The following ANKRD46 variants were observed in gnomAD, a reference collection of about 807,000 sequenced individuals.
ANKRD46 encodes the protein ankyrin repeat domain 46, also known as ankyrin repeat domain-containing protein 46.
A neutral mutation model predicts 19.8 loss-of-function variants in ANKRD46; 13 were observed. That is an observed-to-expected ratio of 0.66 (90% CI 0.43 to 1.04). The LOEUF is 1.04. Among genes scored for constraint, ANKRD46 ranks in the 50% least tolerant of loss-of-function variants. The pLI is 0.00. For missense variants in ANKRD46, 185 were observed against 274.8 expected (o/e 0.67, Z 2.31); for synonymous variants, 91 against 106.9 (o/e 0.85, Z 0.92).
rs898123199 is a variant in ANKRD46 at position 100,525,928 on chromosome 8, A to G, written c.470+1917T>C. Among the ~76,000 whole-genome samples, 1 of 152,168 alleles carries G rather than the reference A, an allele frequency of 6.6e-6. No homozygotes were observed. Among genetic ancestry groups the G allele is most frequent in the Admixed American group, 6.6e-5 (1 of 15,264 alleles). On this transcript the variant is annotated intron_variant, in intron 4 of 4. Transcript: ENST00000335659. The surrounding 1 kb of genome is among the most constrained non-coding windows in gnomAD (Gnocchi z 4.4). ...ATTATCTATCTTTTTAATTGCAGCT[A>G]TCCTAGTGGGTGTGAAGTGGCATTT...
At chr8:100,552,177 T>C (rs934698443) in intron 1 of ANKRD46, among the ~76,000 whole-genome samples, 1 of 149,900 alleles carries the variant, frequency 6.7e-6, no homozygotes, top group Non-Finnish European at 1.5e-5. Context: ...AAAAGAAATG[T>C]GTTATTTAAT....
intron 1 of ANKRD46, among the ~76,000 whole-genome samples, chr8:100,553,723 T>C (rs1812440422): frequency 6.6e-6 from 1 of 152,150 alleles, no homozygotes; most frequent in African/African-American, 2.4e-5. Context: ...CACTCCAGCC[T>C]GGGAGACAGA....
At chr8:100,540,605 C>A (rs996509868) in intron 1 of ANKRD46, among the ~76,000 whole-genome samples, 6 of 152,058 alleles carry the variant, frequency 3.9e-5, no homozygotes, top group African/African-American at 1.4e-4. Context: ...ATCAGGAAAT[C>A]AAAAAACACC....
intron 1 of ANKRD46, among the ~76,000 whole-genome samples, chr8:100,541,334 T>A (rs1396747817): frequency 2.0e-5 from 3 of 152,188 alleles, no homozygotes; most frequent in Non-Finnish European, 1.5e-5. Flanking sequence ...ATTCCTTATT[T>A]TCTAAATAGT....
Position 100,550,711 on chromosome 8 carries a change from T to C in ANKRD46, c.-131+9000A>G, listed in dbSNP as rs2844048. 0.076 allele frequency: 25,755 copies of C among 340,016 alleles called. 1,145 individuals carry two copies. The highest frequency in any genetic ancestry group is 0.093 in the Non-Finnish European group (16,134 of 174,406). 21.1% of individuals were successfully genotyped at this position (340,016 alleles called of 1,614,324 possible). A position where few individuals can be genotyped will look rare whatever the true frequency, so the allele number is the denominator to read the frequency against. ...CCTCTTGTGCTCTCACTGGGGCTGG[T>C]TGTCGAGCAGTCTTACTCCTTGGAG... On this transcript the variant is annotated intron_variant, in intron 1 of 4. Transcript: ENST00000335659. The surrounding 1 kb of genome is among the most constrained non-coding windows in gnomAD (Gnocchi z 4.4).
At chr8:100,556,716 A>G (rs551953533) in intron 1 of ANKRD46, 1 of 152,288 alleles carries the variant, frequency 6.6e-6, no homozygotes, top group African/African-American at 2.4e-5. Context: ...ACTAAATCCA[A>G]TGGTCATCTC....
rs1812248945 is a variant in ANKRD46, at chr8:100,545,215, C to T, written c.-130-11904G>A. On this transcript the variant is annotated intron_variant, in intron 1 of 4. Coordinates refer to ENST00000335659, the MANE Select transcript of ANKRD46 (RefSeq NM_001270377.2). The surrounding 1 kb of genome is among the most constrained non-coding windows in gnomAD (Gnocchi z 4.7). ...TGACGTGCACCTGTAGTCCCAGCTACTCGGGAGGCTGAGGTGGGAGGATAG... is the reference window on the plus strand; with the variant it reads ...TGACGTGCACCTGTAGTCCCAGCTATTCGGGAGGCTGAGGTGGGAGGATAG... Among the ~76,000 whole-genome samples the T allele has an allele frequency of 6.6e-6, 1 of 152,082 alleles. No homozygotes were observed. The highest frequency in any genetic ancestry group is 1.5e-5 in the Non-Finnish European group (1 of 68,014).
chr8:100,527,306 C>T lies in ANKRD46; in HGVS notation c.470+539G>A, dbSNP rs955972052. 2.0e-5 allele frequency among the ~76,000 whole-genome samples: 3 copies of T among 152,164 alleles called. No individual in the cohort carries two copies. The highest frequency in any genetic ancestry group is 7.2e-5 in the African/African-American group (3 of 41,430). ...CATGTGTTAAATACTATCTTGCTTT[C>T]CCTCTCTTGTTTTCTTGTTTCTCAG... On this transcript the variant is annotated intron_variant, in intron 4 of 4. Transcript: ENST00000335659. This position sits in a 1 kb window ranked among gnomAD's most constrained non-coding sequence, Gnocchi z 4.0.
At chr8:100,528,113 A>G (rs1480323032) in intron 3 of ANKRD46, 110 bp from the exon 4 acceptor site, 1 of 1,231,200 alleles carries the variant, frequency 8.1e-7, no homozygotes, top group Non-Finnish European at 1.1e-6. Flanking sequence ...ATCTCAGTGA[A>G]GAAAGAATGG....
chr8:100,539,744 A>G (rs1044883005), intron 1 of ANKRD46, among the ~76,000 whole-genome samples: 1 of 152,234 alleles, frequency 6.6e-6, no homozygotes, highest in Admixed American at 6.5e-5. Flanking sequence ...GAATTACACA[A>G]TAATACTTAA....
rs1360724475 is a variant in ANKRD46 at position 100,545,847 on chromosome 8, T to G, written c.-130-12536A>C. On this transcript the variant is annotated intron_variant, in intron 1 of 4. Coordinates refer to ENST00000335659, the MANE Select transcript of ANKRD46 (RefSeq NM_001270377.2). This position sits in a 1 kb window ranked among gnomAD's most constrained non-coding sequence, Gnocchi z 4.7. ...ATGAGGGACTTTTTGGGAACTGGAG[T>G]AAAGGTCACTCATGCTATGCTTTAG... 6.6e-6 allele frequency among the ~76,000 whole-genome samples: 1 copy of G among 152,106 alleles called. No homozygotes were observed. The highest frequency in any genetic ancestry group is 2.4e-5 in the African/African-American group (1 of 41,424).
chr8:100,530,055 G>T (rs1280215430), intron 2 of ANKRD46, among the ~76,000 whole-genome samples, 195 bp from the exon 3 acceptor site: 4 of 152,178 alleles, frequency 2.6e-5, no homozygotes, highest in Admixed American at 1.3e-4. Flanking sequence ...CACATCTGCT[G>T]GATTAAAATT....
rs116887590 is a variant in ANKRD46, at chr8:100,521,932, A to T, written c.*623T>A. 1.1e-4 allele frequency: 106 copies of T among 982,390 alleles called. No homozygotes were observed. The highest frequency in any genetic ancestry group is 1.3e-4 in the Non-Finnish European group (105 of 827,160). 60.9% of individuals were successfully genotyped at this position (982,390 alleles called of 1,614,324 possible). On this transcript the variant is annotated 3_prime_UTR_variant, in exon 5 of 5. Coordinates refer to ENST00000335659, the MANE Select transcript of ANKRD46 (RefSeq NM_001270377.2). ...AAGATCAAAAATTATCCTAAAAACAAATAAATATAAGATCAAATCAATTAT... is the reference window on the plus strand; with the variant it reads ...AAGATCAAAAATTATCCTAAAAACATATAAATATAAGATCAAATCAATTAT...
rs113970415 is a variant in ANKRD46, at chr8:100,522,536, T to A, written c.*19A>T. On this transcript the variant is annotated 3_prime_UTR_variant, in exon 5 of 5. Transcript: ENST00000335659. Reference sequence around the variant, plus strand: ...GCCAGGAAACAGGCAATTAATTGCCTCATCTTCCATGAGCTCCTTTAATGC... The same window carrying A: ...GCCAGGAAACAGGCAATTAATTGCCACATCTTCCATGAGCTCCTTTAATGC... 1 of 1,612,316 alleles carries A rather than the reference T, an allele frequency of 6.2e-7. No homozygotes were observed. Among genetic ancestry groups the A allele is most frequent in the East Asian group, 2.2e-5 (1 of 44,866 alleles).
intron 4 of ANKRD46, among the ~76,000 whole-genome samples, chr8:100,523,751 C>T (rs1254184977): frequency 6.6e-6 from 1 of 152,084 alleles, no homozygotes; most frequent in Non-Finnish European, 1.5e-5. Flanking sequence ...TCAAGCAATC[C>T]TCCTGCCTCA....
At chr8:100,520,741 T>TAAAAAAAAAAAAAAA (rs5893523), downstream of ANKRD46, 1 of 677,916 alleles carries the variant, frequency 1.5e-6, no homozygotes, top group African/African-American at 2.4e-5. Flanking sequence ...TATAATACAC[T>TAAAAAAAAAAAAAAA]AAAAAAAAAA....
At chr8:100,553,643 G>T (rs1812438415) in intron 1 of ANKRD46, among the ~76,000 whole-genome samples, 1 of 152,080 alleles carries the variant, frequency 6.6e-6, no homozygotes. Context: ...CAGCTACTTG[G>T]GAGGCTGAGA....
chr8:100,551,780 A>G (rs1432587220), intron 1 of ANKRD46: 1 of 453,268 alleles, frequency 2.2e-6, no homozygotes, highest in Non-Finnish European at 4.1e-6. Flanking sequence ...CAGCACCCAT[A>G]CCCACCTCTC....
chr8:100,550,942 CT>C lies in ANKRD46; in HGVS notation c.-131+8768del. 10 of 599,466 alleles carry C rather than the reference CT, an allele frequency of 1.7e-5. No individual in the cohort carries two copies. The highest frequency in any genetic ancestry group is 3.7e-5 in the African/African-American group (2 of 53,850). 37.1% of individuals were successfully genotyped at this position (599,466 alleles called of 1,614,324 possible). A position where few individuals can be genotyped will look rare whatever the true frequency, so the allele number is the denominator to read the frequency against. ...GGCCCTCTGACGCCTGCTTCACCAC[CT>C]TTTTGATGTCATCATATTTGGCAGG... On this transcript the variant is annotated intron_variant, in intron 1 of 4. Transcript: ENST00000335659. The surrounding 1 kb of genome is among the most constrained non-coding windows in gnomAD (Gnocchi z 4.4).
Sources: gnomAD v4.1 joint callset for allele counts (sites outside exome capture counted in the v4.1 genomes callset) on GRCh38, gnomAD v4.1.1 for gene constraint, Gnocchi (gnomAD v3.1) non-coding constraint, MANE v1.5 for transcripts, NCBI Gene and HGNC (gene_info 2026-07-23, HGNC 2026-07-21) for gene names.